The following ARHGEF18 variants were observed in gnomAD, a reference collection of about 807,000 sequenced individuals.
ARHGEF18 encodes Rho/Rac guanine nucleotide exchange factor 18, also known as rho guanine nucleotide exchange factor 18.
Under a neutral mutation model 155.7 loss-of-function variants are expected in ARHGEF18, and 93 were observed. The ratio of observed to expected loss-of-function variants is 0.60; its 90% confidence interval spans 0.50 to 0.71. ARHGEF18 has a LOEUF of 0.71. Ranked by LOEUF, ARHGEF18 falls within the 30% of genes least tolerant of loss-of-function variation. ARHGEF18 has a pLI of 0.00. For missense variants in ARHGEF18, 1,593 were observed against 1,816.1 expected (o/e 0.88, Z 2.23); for synonymous variants, 742 against 753.1 (o/e 0.99, Z 0.24).
intron 1 of ARHGEF18, among the ~76,000 whole-genome samples, chr19:7,354,899 A>T (rs548129999): frequency 7.9e-5 from 12 of 152,082 alleles, no homozygotes; most frequent in African/African-American, 2.9e-4. Flanking sequence ...GACCCATCTC[A>T]AAACTAACAA....
intron 10 of ARHGEF18, among the ~76,000 whole-genome samples, chr19:7,385,926 C>T (rs1971032912): frequency 1.1e-5 from 1 of 94,504 alleles, no homozygotes; most frequent in Non-Finnish European, 2.0e-5. Flanking sequence ...CTCTCTCTCT[C>T]TCTCTCTCTC....
intron 10 of ARHGEF18, among the ~76,000 whole-genome samples, chr19:7,385,328 TTGC>T (rs1970945293): frequency 1.3e-5 from 2 of 152,102 alleles, no homozygotes; most frequent in African/African-American, 4.8e-5. Context: ...GTTCCTGCTT[TTGC>T]TTTGCTTCTC....
intron 10 of ARHGEF18, among the ~76,000 whole-genome samples, chr19:7,393,202 C>T (rs1353769079): frequency 1.3e-5 from 2 of 152,072 alleles, no homozygotes; most frequent in African/African-American, 2.4e-5. Context: ...TGGTGAATTA[C>T]GTCTTGCATT....
chr19:7,456,431 G>A lies in ARHGEF18; in HGVS notation c.2181+28G>A, dbSNP rs192044387. ...ATGTATCCTGTCTCTTCAGACGAAGGGTCGGCTGGGTGCTGTGGCTCACGT... is the reference window on the plus strand; with the variant it reads ...ATGTATCCTGTCTCTTCAGACGAAGAGTCGGCTGGGTGCTGTGGCTCACGT... On this transcript the variant is annotated intron_variant, in intron 18 of 28. Coordinates refer to ENST00000668164, the MANE Select transcript of ARHGEF18 (RefSeq NM_001367823.1). 47 of 1,602,612 alleles carry A rather than the reference G, an allele frequency of 2.9e-5. No individual in the cohort carries two copies. In the African/African-American group the frequency reaches 6.2e-4, roughly 21 times the overall value.
intron 10 of ARHGEF18, among the ~76,000 whole-genome samples, chr19:7,438,090 C>T (rs1248689157): frequency 1.4e-5 from 2 of 138,198 alleles, no homozygotes; most frequent in Non-Finnish European, 3.1e-5. Flanking sequence ...CTCCCTTCCC[C>T]TCTCCTCCCT....
chr19:7,439,733 T>G, intron 10 of ARHGEF18: 1 of 1,347,304 alleles, frequency 7.4e-7, no homozygotes, highest in Non-Finnish European at 9.5e-7. Context: ...CACCCTAACA[T>G]CTGATCTAGA....
intron 10 of ARHGEF18, 152 bp downstream of exon 10, chr19:7,383,355 C>A (rs781778367): frequency 7.1e-6 from 6 of 847,052 alleles, no homozygotes; most frequent in Non-Finnish European, 9.4e-6. Context: ...AACCAGGGAT[C>A]AGTCCCTGGG....
rs372670987 is a variant in ARHGEF18 at position 7,463,913 on chromosome 19, G to C, written c.2731G>C (p.Glu911Gln). Reference protein sequence around the residue: ...GSSTGPPRRAETFAGYDCTNS... With the variant: ...GSSTGPPRRAQTFAGYDCTNS... Reference sequence around the variant, plus strand: ...CTCCACAGGCCCGCCCAGGAGGGCTGAGACCTTCGCGGGCTACGACTGCAC... The same window carrying C: ...CTCCACAGGCCCGCCCAGGAGGGCTCAGACCTTCGCGGGCTACGACTGCAC... Residue 911 changes from glutamate (E) to glutamine (Q), a missense_variant, in exon 22 of 29, where the codon GAG becomes CAG. Glu to Gln is a conservative substitution (Grantham distance 29). Coordinates refer to ENST00000668164, the MANE Select transcript of ARHGEF18 (RefSeq NM_001367823.1). This position sits in a 1 kb window ranked among gnomAD's most constrained non-coding sequence, Gnocchi z 5.2. 6.3e-7 allele frequency: 1 copy of C among 1,598,188 alleles called. No homozygotes were observed. Among genetic ancestry groups the C allele is most frequent in the African/African-American group, 1.3e-5 (1 of 74,700 alleles).
At chr19:7,377,227 T>A (rs1970502723) in intron 5 of ARHGEF18, among the ~76,000 whole-genome samples, 1 of 151,958 alleles carries the variant, frequency 6.6e-6, no homozygotes. Context: ...CCCGCTACCA[T>A]GCCCGGCTAA....
intron 1 of ARHGEF18, among the ~76,000 whole-genome samples, chr19:7,361,747 C>G (rs1014572920): frequency 2.0e-5 from 3 of 152,012 alleles, no homozygotes; most frequent in Non-Finnish European, 4.4e-5. Context: ...AATCCCTACA[C>G]TTTGGGAGGC....
chr19:7,437,195 G>A (rs564661357), intron 10 of ARHGEF18, among the ~76,000 whole-genome samples: 21 of 152,236 alleles, frequency 1.4e-4, no homozygotes, highest in Non-Finnish European at 2.8e-4. Context: ...TAGGGAGGCC[G>A]AGGTGGGTGG....
At chr19:7,425,198 G>A (rs1344306047) in intron 10 of ARHGEF18, among the ~76,000 whole-genome samples, 7 of 151,772 alleles carry the variant, frequency 4.6e-5, no homozygotes, top group East Asian at 3.9e-4. Context: ...ACTTTGTTCC[G>A]CCCTTTTTTT....
chr19:7,447,703 A>G (rs1975084102), intron 15 of ARHGEF18, among the ~76,000 whole-genome samples: 1 of 152,144 alleles, frequency 6.6e-6, no homozygotes, highest in African/African-American at 2.4e-5. Context: ...CTGAGATGTA[A>G]AATAAAGCGG....
chr19:7,368,288 A>G (rs1970034466), intron 2 of ARHGEF18, among the ~76,000 whole-genome samples: 1 of 151,986 alleles, frequency 6.6e-6, no homozygotes, highest in Non-Finnish European at 1.5e-5. Flanking sequence ...TCTGGATTTG[A>G]TGGGGGATCC....
intron 10 of ARHGEF18, among the ~76,000 whole-genome samples, chr19:7,403,064 A>C (rs1972102061): frequency 6.6e-6 from 1 of 152,194 alleles, no homozygotes; most frequent in Non-Finnish European, 1.5e-5. Context: ...CCCAGGCTAG[A>C]GTACAGTGGC....
the ARHGEF18 span, chr19:7,478,390 G>A: frequency 3.1e-6 from 5 of 1,604,784 alleles, no homozygotes; most frequent in African/African-American, 1.3e-5. Flanking sequence ...CAGCACCAGA[G>A]CCCGAGGGAG....
At chr19:7,367,760 T>A (rs866481740) in intron 2 of ARHGEF18, among the ~76,000 whole-genome samples, 1,927 of 88,520 alleles carry the variant, frequency 0.022, 247 homozygotes, top group Non-Finnish European at 0.028. Flanking sequence ...AAAAAAAAAA[T>A]ATATATATAT....
chr19:7,380,125 C>A (rs953888347), intron 7 of ARHGEF18, among the ~76,000 whole-genome samples: 2 of 150,428 alleles, frequency 1.3e-5, no homozygotes, highest in Non-Finnish European at 3.0e-5. Flanking sequence ...CTGCCATGAG[C>A]CATGATTATG....
chr19:7,355,892 G>C (rs577811169), intron 1 of ARHGEF18, among the ~76,000 whole-genome samples: 1 of 152,150 alleles, frequency 6.6e-6, no homozygotes, highest in Non-Finnish European at 1.5e-5. Flanking sequence ...GGTCCCTCTT[G>C]TTTCAGAGGA....
Sources: allele counts gnomAD v4.1 joint callset (sites outside exome capture counted in the v4.1 genomes callset), GRCh38; gene constraint gnomAD v4.1.1; non-coding constraint Gnocchi (gnomAD v3.1); transcripts MANE v1.5; gene names NCBI Gene and HGNC (gene_info 2026-07-23, HGNC 2026-07-21).